Variants in TTC28 observed in about 807,000 individuals in gnomAD.
TTC28 encodes tetratricopeptide repeat domain 28.
A neutral mutation model predicts 198.0 loss-of-function variants in TTC28; 61 were observed. The ratio of observed to expected loss-of-function variants is 0.31; its 90% CI spans 0.25 to 0.38. TTC28 has a LOEUF of 0.38. Ranked by LOEUF, TTC28 falls within the 10% of genes least tolerant of loss-of-function variation. The pLI is 1.00. For missense variants in TTC28, 2,678 were observed against 3,164.0 expected, an observed-to-expected ratio of 0.85 and a Z score of 3.69; for synonymous variants, 1,171 against 1,297.8, an observed-to-expected ratio of 0.90 and a Z score of 2.10.
Position 28,107,712 on chromosome 22 carries a change from C to G in TTC28, c.2133G>C (p.Gln711His), listed in dbSNP as rs1207015527. ...LSLAQSLNNS[Q>H]AKFRALGNLG... is the part of the protein sequence containing the mutation. ...GGTTTCCTAGGGCTCGAAATTTAGC[C>G]TGGGAATTATTCAGAGACTGGGCTA... Residue 711 changes from glutamine to histidine, a missense_variant, in exon 7 of 23, where the codon CAG (glutamine) becomes CAC (histidine). This residue lies in a region of TTC28 where 775 missense variants were observed against 845.9 expected (regional missense o/e 0.92). Coordinates refer to ENST00000397906, the MANE Select transcript of TTC28 (RefSeq NM_001145418.2). 6.4e-7 allele frequency: 1 copy of G among 1,551,676 alleles called. No individual in the cohort carries two copies. Among genetic ancestry groups the G allele is most frequent in the African/African-American group, 1.4e-5 (1 of 73,040 alleles).
At chr22:28,347,748 C>G (rs1052121005) in intron 2 of TTC28, among the ~76,000 whole-genome samples, 1 of 152,200 alleles carries the variant, frequency 6.6e-6, no homozygotes, top group Non-Finnish European at 1.5e-5. Flanking sequence ...GGCAGACCAC[C>G]TGTAATCCCA....
At chr22:28,095,659 T>C (rs1350189988) in intron 11 of TTC28, among the ~76,000 whole-genome samples, 5 of 152,328 alleles carry the variant, frequency 3.3e-5, no homozygotes, top group Admixed American at 6.5e-5. Flanking sequence ...TTAATGCTGA[T>C]TTAATCAAAG....
chr22:28,475,004 T>A (rs1431382025), intron 2 of TTC28, among the ~76,000 whole-genome samples: 2 of 151,362 alleles, frequency 1.3e-5, no homozygotes, highest in Admixed American at 6.6e-5. Flanking sequence ...CAGGCTTTAC[T>A]AAAAAAGAAC....
chr22:28,604,297 TTA>T (rs35077140), intron 2 of TTC28, among the ~76,000 whole-genome samples: 35,898 of 114,262 alleles, frequency 0.31, 5,997 homozygotes, highest in Middle Eastern at 0.4. Flanking sequence ...AAAAAAAAAA[TTA>T]TATATATATA....
Position 28,163,583 on chromosome 22 carries a change from A to G in TTC28, c.950T>C (p.Leu317Ser). The G allele has an allele frequency of 6.5e-7, 1 of 1,537,268 alleles. No individual in the cohort carries two copies. The highest frequency in any genetic ancestry group is 1.2e-5 in the South Asian group (1 of 82,362). The change falls in exon 6 of 23, where the codon TTG becomes TCG. Residue 317 changes from leucine to serine, a missense_variant. Physicochemically the swap from Leu to Ser is moderately radical, Grantham distance 145. Around this residue, in one of 8 missense-constraint regions of TTC28, gnomAD observed 775 missense variants for 845.9 expected, o/e 0.92. Transcript: ENST00000397906. ...LKDREAASSA[L>S]SSLGHVYTAI... ...TGTGTACACGTGGCCCAGACTGCTC[A>G]AGGCTGATGAAGCTGCCTGGAGAGA... is the stretch of plus-strand genomic sequence containing the variant.
At chr22:28,383,717 T>C (rs2046531215) in intron 2 of TTC28, among the ~76,000 whole-genome samples, 1 of 152,214 alleles carries the variant, frequency 6.6e-6, no homozygotes, top group South Asian at 2.1e-4. Flanking sequence ...ACCACTCTAT[T>C]GCTACCACCT....
chr22:28,032,235 AATATATATATATAAAATATAT>A (rs1569094919), intron 12 of TTC28, among the ~76,000 whole-genome samples: 1 of 120,106 alleles, frequency 8.3e-6, no homozygotes, highest in African/African-American at 3.8e-5. Context: ...ATATATATAA[AATATATATATATAAAATATAT>A]ATATATATAT....
intron 2 of TTC28, among the ~76,000 whole-genome samples, chr22:28,505,256 CA>C (rs35503278): frequency 0.016 from 1,185 of 75,354 alleles, 7 homozygotes; most frequent in African/African-American, 0.037. Flanking sequence ...GACTCCGTCT[CA>C]AAAAAAAAAA....
chr22:28,224,974 T>A (rs1402704938), intron 5 of TTC28, among the ~76,000 whole-genome samples: 1 of 152,156 alleles, frequency 6.6e-6, no homozygotes, highest in Non-Finnish European at 1.5e-5. Flanking sequence ...AACCAGTAAA[T>A]GGCAAAGCAC....
chr22:28,197,601 C>G (rs1232629310), intron 5 of TTC28, among the ~76,000 whole-genome samples: 2 of 152,072 alleles, frequency 1.3e-5, no homozygotes, highest in Middle Eastern at 3.4e-3. Context: ...AATGATATGA[C>G]TAAATAAAAC....
chr22:28,255,086 GT>G (rs1271848239), intron 5 of TTC28, among the ~76,000 whole-genome samples: 1 of 152,094 alleles, frequency 6.6e-6, no homozygotes, highest in African/African-American at 2.4e-5. Flanking sequence ...AAACCCCTGA[GT>G]TTCTTCACCA....
At chr22:28,147,435 T>C (rs1943494510) in intron 6 of TTC28, among the ~76,000 whole-genome samples, 3 of 152,206 alleles carry the variant, frequency 2.0e-5, no homozygotes, top group Admixed American at 2.0e-4. Flanking sequence ...GAAAATAAGC[T>C]GTGGGTAAAG....
chr22:28,514,556 A>G (rs1568990773), intron 2 of TTC28, among the ~76,000 whole-genome samples: 1 of 152,254 alleles, frequency 6.6e-6, no homozygotes, highest in Non-Finnish European at 1.5e-5. Context: ...TTAAGAAGAG[A>G]AAACCTTACA....
intron 6 of TTC28, among the ~76,000 whole-genome samples, chr22:28,152,659 T>C (rs1352605952): frequency 6.6e-6 from 1 of 152,254 alleles, no homozygotes; most frequent in Non-Finnish European, 1.5e-5. Context: ...CACAGACCTT[T>C]TGACATATTA....
intron 5 of TTC28, among the ~76,000 whole-genome samples, chr22:28,208,364 C>T (rs1462288405): frequency 6.6e-6 from 1 of 152,110 alleles, no homozygotes; most frequent in African/African-American, 2.4e-5. Flanking sequence ...ACTAAAAGAA[C>T]ATAAATGGCA....
intron 5 of TTC28, among the ~76,000 whole-genome samples, chr22:28,272,355 T>G (rs142232710): frequency 9.2e-5 from 14 of 152,290 alleles, no homozygotes; most frequent in South Asian, 2.1e-4. Context: ...AAATAATACA[T>G]TATCAGTGAT....
intron 2 of TTC28, among the ~76,000 whole-genome samples, chr22:28,449,628 AC>A (rs1654778101): frequency 6.6e-6 from 1 of 152,246 alleles, no homozygotes; most frequent in Non-Finnish European, 1.5e-5. Context: ...TTAACTTCTG[AC>A]TTAGAATACA....
intron 2 of TTC28, among the ~76,000 whole-genome samples, chr22:28,456,862 C>G (rs1243620392): frequency 6.6e-6 from 1 of 152,218 alleles, no homozygotes; most frequent in Non-Finnish European, 1.5e-5. Flanking sequence ...GCATGTGCCA[C>G]CGCACCCGGC....
intron 6 of TTC28, among the ~76,000 whole-genome samples, chr22:28,157,269 G>C (rs1569167375): frequency 6.6e-6 from 1 of 152,120 alleles, no homozygotes; most frequent in Non-Finnish European, 1.5e-5. Context: ...TCCAAAACCT[G>C]AACAGACTGA....
Sources: gnomAD v4.1 joint callset for allele counts (sites outside exome capture counted in the v4.1 genomes callset) on GRCh38, gnomAD v4.1.1 for gene constraint, gnomAD v4.1.1 regional missense constraint, MANE v1.5 for transcripts, NCBI Gene and HGNC (gene_info 2026-07-23, HGNC 2026-07-21) for gene names.